The following NUP205 variants were observed in gnomAD, a reference collection of about 807,000 sequenced individuals.
NUP205 encodes the protein nucleoporin 205, also known as nuclear pore complex protein Nup205.
NUP205 carries 76 observed loss-of-function variants against 253.8 expected under a neutral mutation model. That is an observed-to-expected ratio of 0.30 (90% CI 0.25 to 0.36). The LOEUF (loss-of-function observed/expected upper bound fraction) is 0.36, where lower values mean the gene tolerates loss of function less well. Ranked by LOEUF, NUP205 falls within the 10% of genes least tolerant of loss-of-function variation. The pLI is 1.00. For missense variants in NUP205, 2,162 were observed against 2,425.5 expected (o/e 0.89, Z 2.28); for synonymous variants, 832 against 850.1 (o/e 0.98, Z 0.37).
intron 31 of NUP205, among the ~76,000 whole-genome samples, chr7:135,623,680 T>C (rs1393051245): frequency 6.6e-6 from 1 of 152,244 alleles, no homozygotes. Flanking sequence ...TGGAAAATTA[T>C]GTAGCAAAAT....
Position 135,600,969 on chromosome 7 carries a change from G to A in NUP205, c.2374G>A (p.Gly792Arg). The A allele has an allele frequency of 6.4e-7, 1 of 1,551,736 alleles. No individual in the cohort carries two copies. The highest frequency in any genetic ancestry group is 2.3e-5 in the East Asian group (1 of 44,316). The change falls in exon 16 of 43, where the codon GGA becomes AGA. Residue 792 changes from glycine to arginine, a missense_variant and splice_region_variant. Gly to Arg is a moderately radical substitution (Grantham distance 125). Around this residue, in one of 5 missense-constraint regions of NUP205, gnomAD observed 892 missense variants for 957.1 expected, o/e 0.93. Transcript: ENST00000285968. ...DFVDQFVELQ[G>R]EEIIAYKPPG... is the part of the protein sequence containing the mutation. ...TGTAGACCAGTTTGTGGAACTACAAGGTAATTTAATTCTGTCACTTTCAAA... is the reference window on the plus strand; with the variant it reads ...TGTAGACCAGTTTGTGGAACTACAAAGTAATTTAATTCTGTCACTTTCAAA...
rs554189359 is a variant in NUP205 at position 135,564,465 on chromosome 7, G to C, written c.28+6493G>C. ...AGGGTTTCACCATGTTGGCCATGCT[G>C]GTCTTGAACTCCTGACCTTGTGATC... On this transcript the variant is annotated intron_variant, in intron 1 of 42. Transcript: ENST00000285968. Among the ~76,000 whole-genome samples the C allele has an allele frequency of 3.2e-4, 48 of 151,842 alleles. 2 individuals are homozygous for C. Among genetic ancestry groups the C allele is most frequent in the African/African-American group, 1.1e-3 (47 of 41,320 alleles).
At chr7:135,594,461 A>G (rs1793776784) in intron 12 of NUP205, 86 bp from the exon 13 acceptor site, 4 of 1,076,158 alleles carry the variant, frequency 3.7e-6, no homozygotes, top group Non-Finnish European at 5.4e-6. Flanking sequence ...AGGACTCAGT[A>G]TAAATGATAG....
chr7:135,597,502 G>A lies in NUP205; in HGVS notation c.2064+84G>A, dbSNP rs576065037. The A allele has an allele frequency of 2.0e-4, 155 of 793,200 alleles. No homozygotes were observed. The African/African-American group carries it at 2.3e-3, about 12-fold the overall frequency. The allele number at this position is 793,200 out of a possible 1,614,324, so 49.1% of individuals were successfully genotyped here. On this transcript the variant is annotated intron_variant, in intron 14 of 42. Coordinates refer to ENST00000285968, the MANE Select transcript of NUP205 (RefSeq NM_015135.3). ...CTATGAATCATTCTTACCCTTTTAC[G>A]TTTCCATAATTATCAAATTTAATGT...
intron 25 of NUP205, among the ~76,000 whole-genome samples, 155 bp downstream of exon 25, chr7:135,616,881 A>G (rs888211308): frequency 6.6e-6 from 1 of 152,068 alleles, no homozygotes; most frequent in Non-Finnish European, 1.5e-5. Context: ...TTTTTTTATA[A>G]TAGGATTATA....
intron 30 of NUP205, 106 bp from the exon 31 acceptor site, chr7:135,622,671 G>GTT (rs35793029): frequency 1.6e-3 from 1,350 of 847,534 alleles, no homozygotes; most frequent in South Asian, 2.1e-3. Flanking sequence ...TTTTTGTTGC[G>GTT]TTTTTTTTTT....
At chr7:135,618,786 G>A (rs1794411700) in intron 28 of NUP205, among the ~76,000 whole-genome samples, 183 bp downstream of exon 28, 1 of 152,186 alleles carries the variant, frequency 6.6e-6, no homozygotes, top group African/African-American at 2.4e-5. Flanking sequence ...CAACCAGAGT[G>A]TGTGTCTGAG....
intron 23 of NUP205, 23 bp from the exon 24 acceptor site, chr7:135,615,893 A>G (rs1214122858): frequency 6.3e-7 from 1 of 1,590,558 alleles, no homozygotes; most frequent in Non-Finnish European, 8.6e-7. Context: ...CTGGGAAACA[A>G]AATTTACATG....
At chr7:135,588,564 G>A (rs893606838) in intron 10 of NUP205, among the ~76,000 whole-genome samples, 6 of 150,572 alleles carry the variant, frequency 4.0e-5, no homozygotes, top group African/African-American at 1.5e-4. Flanking sequence ...GAGGCAGAAA[G>A]GCATCCAGTC....
chr7:135,606,643 A>C, intron 20 of NUP205, 108 bp from the exon 21 acceptor site: 3 of 795,160 alleles, frequency 3.8e-6, no homozygotes, highest in Non-Finnish European at 6.1e-6. Flanking sequence ...TAATCAGGCA[A>C]ACGATCTAAA....
At chr7:135,567,038 C>G (rs1221789971) in intron 1 of NUP205, among the ~76,000 whole-genome samples, 1 of 148,912 alleles carries the variant, frequency 6.7e-6, no homozygotes, top group Non-Finnish European at 1.5e-5. Context: ...TGCACCCGGC[C>G]TGGAATTCTT....
chr7:135,630,607 G>T (rs1171366788), intron 35 of NUP205, 137 bp downstream of exon 35: 25 of 636,338 alleles, frequency 3.9e-5, no homozygotes, highest in Non-Finnish European at 9.6e-6. Flanking sequence ...CTTTATTTAT[G>T]TAATAAGTTT....
chr7:135,636,785 C>T (rs1172927353), intron 36 of NUP205, among the ~76,000 whole-genome samples: 3 of 152,058 alleles, frequency 2.0e-5, no homozygotes, highest in East Asian at 1.9e-4. Context: ...GTGGGTGGAT[C>T]GCTTGAGGCC....
At chr7:135,615,041 T>C (rs1429998246) in intron 23 of NUP205, among the ~76,000 whole-genome samples, 1 of 152,246 alleles carries the variant, frequency 6.6e-6, no homozygotes, top group Non-Finnish European at 1.5e-5. Context: ...ATAAGTGTCT[T>C]ATTTTTAGTT....
intron 1 of NUP205, among the ~76,000 whole-genome samples, chr7:135,567,733 T>C (rs1421730389): frequency 6.6e-6 from 1 of 152,228 alleles, no homozygotes. Context: ...TTATTTGGAT[T>C]TGGGTTTTCT....
intron 1 of NUP205, among the ~76,000 whole-genome samples, chr7:135,568,181 C>A (rs1263211733): frequency 6.6e-6 from 1 of 151,920 alleles, no homozygotes; most frequent in African/African-American, 2.4e-5. Context: ...GGAGATTGTG[C>A]CACTGCACTC....
At chr7:135,635,520 C>A in intron 35 of NUP205, 61 bp from the exon 36 acceptor site, 2 of 922,566 alleles carry the variant, frequency 2.2e-6, no homozygotes, top group Non-Finnish European at 3.4e-6. Flanking sequence ...ACCTCTCTTC[C>A]TAGTTTTTAA....
Position 135,584,840 on chromosome 7 carries a change from G to A in NUP205, c.1051G>A (p.Glu351Lys). ...SQLPDVTALA[E>K]FTEADEAMAE... ...TTAAAATCTGTTTCTAGCTCTGGCA[G>A]AATTCACAGAGGCAGATGAAGCAAT... Residue 351 changes from glutamate to lysine, a missense_variant, in exon 8 of 43, where the codon GAA becomes AAA. Around this residue, in one of 5 missense-constraint regions of NUP205, gnomAD observed 892 missense variants for 957.1 expected, o/e 0.93. Transcript: ENST00000285968. 1 of 1,613,988 alleles carries A rather than the reference G, an allele frequency of 6.2e-7. No individual in the cohort carries two copies.
intron 5 of NUP205, 28 bp from the exon 6 acceptor site, chr7:135,577,768 A>G: frequency 6.6e-7 from 1 of 1,523,746 alleles, no homozygotes. Context: ...TAATTTATTT[A>G]TACTGATAGT....
Sources: gnomAD v4.1 joint callset for allele counts (sites outside exome capture counted in the v4.1 genomes callset) on GRCh38, gnomAD v4.1.1 for gene constraint, gnomAD v4.1.1 regional missense constraint, MANE v1.5 for transcripts, NCBI Gene and HGNC (gene_info 2026-07-23, HGNC 2026-07-21) for gene names.